The following SEMA6D variants were observed in gnomAD, a reference collection of about 807,000 sequenced individuals.
The protein encoded by SEMA6D is semaphorin-6D.
In SEMA6D, 35 loss-of-function variants were observed where a neutral mutation model predicts 106.6. The ratio of observed to expected loss-of-function variants is 0.33; its 90% confidence interval spans 0.25 to 0.44. SEMA6D has a LOEUF of 0.44. Among genes scored for constraint, SEMA6D ranks in the 20% least tolerant of loss-of-function variants. The pLI is 1.00. For synonymous variants in SEMA6D, 499 were observed against 487.7 expected, an observed-to-expected ratio of 1.02 and a Z score of -0.31; for missense variants, 1,185 against 1,345.9, an observed-to-expected ratio of 0.88 and a Z score of 1.87.
At chr15:47,495,575 A>T (rs1432773477) in intron 3 of SEMA6D, among the ~76,000 whole-genome samples, 1 of 152,078 alleles carries the variant, frequency 6.6e-6, no homozygotes, top group Non-Finnish European at 1.5e-5. Flanking sequence ...AACATTAAAA[A>T]AAGAGAAGGA....
chr15:47,472,032 T>G (rs181039109), intron 3 of SEMA6D, among the ~76,000 whole-genome samples: 114 of 150,026 alleles, frequency 7.6e-4, no homozygotes, highest in African/African-American at 2.7e-3. Context: ...GAAAAGAGAA[T>G]AGATAGAGGA....
At chr15:47,217,620 A>G (rs1404413228) in intron 1 of SEMA6D, among the ~76,000 whole-genome samples, 1 of 150,040 alleles carries the variant, frequency 6.7e-6, no homozygotes, top group Non-Finnish European at 1.5e-5. Flanking sequence ...TATATGTAAT[A>G]GTCATATGTA....
intron 4 of SEMA6D, among the ~76,000 whole-genome samples, chr15:47,608,286 T>G (rs2076824144): frequency 6.6e-6 from 1 of 152,200 alleles, no homozygotes; most frequent in South Asian, 2.1e-4. Context: ...TCACTGGCAA[T>G]TATATTTTCT....
At chr15:47,486,123 A>AC (rs1596124362) in intron 3 of SEMA6D, among the ~76,000 whole-genome samples, 1 of 152,194 alleles carries the variant, frequency 6.6e-6, no homozygotes, top group African/African-American at 2.4e-5. Context: ...TTGTGACCAG[A>AC]CATAAGAACT....
In SEMA6D at chr15:47,348,727, C is replaced by CACAG. The variant is rs1450109233; in HGVS notation, c.-238-63665_-238-63664insCAGA. Among the ~76,000 whole-genome samples the CACAG allele has an allele frequency of 4.7e-4, 27 of 57,120 alleles. No homozygotes were observed. The East Asian group carries it at 7.0e-3, about 15-fold the overall frequency. The allele number at this position is 57,120 out of a possible 152,430, so 37.5% of individuals were successfully genotyped here. On this transcript the variant is annotated intron_variant, in intron 1 of 19. Transcript: ENST00000558014. ...CACACACACACACACACCACACACA[C>CACAG]AGAGAGAGAGAGAGAGAGAGAGAGA... is the stretch of plus-strand genomic sequence containing the variant.
At chr15:47,316,663 A>G (rs141594493) in intron 1 of SEMA6D, among the ~76,000 whole-genome samples, 1,574 of 121,248 alleles carry the variant, frequency 0.013, 24 homozygotes, top group African/African-American at 0.044. Context: ...TTTTTTCTCT[A>G]TCTGCTGATA....
intron 1 of SEMA6D, among the ~76,000 whole-genome samples, chr15:47,337,284 C>A (rs1466411738): frequency 6.6e-6 from 1 of 152,134 alleles, no homozygotes; most frequent in African/African-American, 2.4e-5. Flanking sequence ...GTTACTCTTG[C>A]ACCCTCAGGC....
At chr15:47,240,429 G>A (rs1412593301) in intron 1 of SEMA6D, among the ~76,000 whole-genome samples, 4 of 152,148 alleles carry the variant, frequency 2.6e-5, no homozygotes, top group African/African-American at 4.8e-5. Context: ...GTGCAGTAAA[G>A]CACTTAATAC....
At chr15:47,287,380 T>G (rs1595643916) in intron 1 of SEMA6D, among the ~76,000 whole-genome samples, 1 of 152,210 alleles carries the variant, frequency 6.6e-6, no homozygotes, top group East Asian at 1.9e-4. Flanking sequence ...AAAAGAATCC[T>G]TAAAAAGCAT....
intron 3 of SEMA6D, among the ~76,000 whole-genome samples, chr15:47,532,914 C>T (rs2045023099): frequency 6.6e-6 from 1 of 152,058 alleles, no homozygotes. Flanking sequence ...CCACCCAGCA[C>T]AGTGAAGTTT....
chr15:47,327,976 C>T (rs2037197758), intron 1 of SEMA6D, among the ~76,000 whole-genome samples: 1 of 152,014 alleles, frequency 6.6e-6, no homozygotes, highest in Admixed American at 6.6e-5. Flanking sequence ...TTTATAAATA[C>T]GGAAAATGAG....
chr15:47,410,587 A>C (rs971091376), intron 1 of SEMA6D, among the ~76,000 whole-genome samples: 2 of 152,174 alleles, frequency 1.3e-5, no homozygotes, highest in African/African-American at 4.8e-5. Flanking sequence ...TCATTAAGTG[A>C]ATCTGAAGGA....
chr15:47,490,921 G>A (rs2043454024), intron 3 of SEMA6D, among the ~76,000 whole-genome samples: 1 of 152,102 alleles, frequency 6.6e-6, no homozygotes, highest in African/African-American at 2.4e-5. Context: ...CCTTTCAACT[G>A]GGAGAAAAAT....
chr15:47,233,320 G>A (rs1343283486), intron 1 of SEMA6D, among the ~76,000 whole-genome samples: 1 of 151,908 alleles, frequency 6.6e-6, no homozygotes, highest in African/African-American at 2.4e-5. Flanking sequence ...CTATATCACA[G>A]TATTTTGATC....
chr15:47,281,865 T>G (rs2035139193), intron 1 of SEMA6D, among the ~76,000 whole-genome samples: 1 of 152,164 alleles, frequency 6.6e-6, no homozygotes, highest in Admixed American at 6.6e-5. Flanking sequence ...ATTTCCACGA[T>G]ACATCTAAAT....
chr15:47,493,532 C>T (rs929189822), intron 3 of SEMA6D, among the ~76,000 whole-genome samples: 2 of 152,060 alleles, frequency 1.3e-5, no homozygotes, highest in Admixed American at 6.6e-5. Context: ...TCACAGACAC[C>T]CTTGACGGAG....
chr15:47,673,410 T>A (rs2078176233), intron 4 of SEMA6D, among the ~76,000 whole-genome samples: 1 of 152,192 alleles, frequency 6.6e-6, no homozygotes, highest in South Asian at 2.1e-4. Flanking sequence ...CTCCTCCCCC[T>A]CCTCCTTCCC....
intron 1 of SEMA6D, among the ~76,000 whole-genome samples, chr15:47,373,690 T>A (rs73403049): frequency 1.1e-4 from 16 of 152,212 alleles, no homozygotes; most frequent in African/African-American, 3.9e-4. Flanking sequence ...CTGAATATTA[T>A]TATTTAATTT....
At chr15:47,450,769 A>G (rs1488969189) in intron 2 of SEMA6D, among the ~76,000 whole-genome samples, 3 of 152,060 alleles carry the variant, frequency 2.0e-5, no homozygotes, top group Non-Finnish European at 2.9e-5. Context: ...CATTTGAAAT[A>G]TGAGCATACT....
Sources: gnomAD v4.1 joint callset for allele counts (sites outside exome capture counted in the v4.1 genomes callset) on GRCh38, gnomAD v4.1.1 for gene constraint, MANE v1.5 for transcripts, NCBI Gene and HGNC (gene_info 2026-07-23, HGNC 2026-07-21) for gene names.